The following PRICKLE1 variants were observed in gnomAD, a reference collection of about 807,000 sequenced individuals.
The protein encoded by PRICKLE1 is prickle-like protein 1.
PRICKLE1 carries 14 observed loss-of-function variants against 70.2 expected under a neutral mutation model. The observed-to-expected ratio is 0.20, with a 90% CI of 0.13 to 0.31. The LOEUF (loss-of-function observed/expected upper bound fraction) is 0.31. PRICKLE1 is among the 10% of genes least tolerant of loss of function. The probability of loss-of-function intolerance (pLI) is 1.00; values close to 1 mark genes in which losing one functional copy is unlikely to be tolerated. For missense variants in PRICKLE1, 821 were observed against 1,026.2 expected (o/e 0.80, Z 2.73); for synonymous variants, 357 against 379.9 (o/e 0.94, Z 0.70).
intron 1 of PRICKLE1, among the ~76,000 whole-genome samples, chr12:42,571,201 C>T (rs1483098945): frequency 5.3e-5 from 8 of 151,604 alleles, no homozygotes; most frequent in Admixed American, 4.6e-4. Flanking sequence ...AGGAGGTAAA[C>T]ATAATGAATG....
At chr12:42,533,727 G>A (rs1939966421) in intron 1 of PRICKLE1, among the ~76,000 whole-genome samples, 1 of 152,064 alleles carries the variant, frequency 6.6e-6, no homozygotes, top group Admixed American at 6.6e-5. Context: ...TGGCAAAGAT[G>A]CTAAATATAG....
intron 1 of PRICKLE1, among the ~76,000 whole-genome samples, chr12:42,564,760 ATC>A (rs1428337438): frequency 6.6e-6 from 1 of 152,192 alleles, no homozygotes; most frequent in Non-Finnish European, 1.5e-5. Context: ...TTTGGGGTCA[ATC>A]TCAGAATTAT....
At chr12:42,551,602 T>C (rs1940318975) in intron 1 of PRICKLE1, among the ~76,000 whole-genome samples, 1 of 152,144 alleles carries the variant, frequency 6.6e-6, no homozygotes, top group Non-Finnish European at 1.5e-5. Flanking sequence ...GCCATCTCTG[T>C]ATGATGGCAA....
chr12:42,467,757 TCAAAA>T (rs1231352404), intron 5 of PRICKLE1, among the ~76,000 whole-genome samples: 2 of 150,936 alleles, frequency 1.3e-5, no homozygotes, highest in African/African-American at 2.4e-5. Flanking sequence ...AAAAAATAAA[TCAAAA>T]CAAAACAAAA....
rs557205452 is a variant in PRICKLE1, at chr12:42,460,024, AATC to A, written c.2278_2280del (p.Asp760del). On this transcript the variant is annotated inframe_deletion, in exon 8 of 8. Transcript: ENST00000345127. ...GAGGAGGAGGAGGAAGAACACCAGG[AATC>A]ATCATCCTCGCCGTAGAGTCCCAGA... is the stretch of plus-strand genomic sequence containing the variant. The A allele has an allele frequency of 1.8e-4, 284 of 1,614,086 alleles. 3 individuals are homozygous for A. In the East Asian group the frequency reaches 6.2e-3, roughly 35 times the overall value.
In PRICKLE1 at chr12:42,460,478, A is replaced by G. The variant is rs1246760693; in HGVS notation, c.1827T>C (p.Pro609=). The G allele has an allele frequency of 1.9e-6, 3 of 1,613,786 alleles. No homozygotes were observed. In the East Asian group the frequency reaches 6.7e-5, roughly 36 times the overall value. ...CTGGCAGATGTACTGGCTTCTCTTC[A>G]GGCAGGATTTTCTCTGGACACAACT... ...SSELCPEKIL[P]EEKPVHLPVL... The change falls in exon 8 of 8, where the codon CCT becomes CCC. Residue 609 remains proline, a synonymous_variant. Transcript: ENST00000345127.
intron 1 of PRICKLE1, among the ~76,000 whole-genome samples, chr12:42,488,538 A>G (rs1762102171): frequency 6.6e-6 from 1 of 152,212 alleles, no homozygotes; most frequent in African/African-American, 2.4e-5. Flanking sequence ...TTAGGTTCTG[A>G]CCTTAGGCTC....
chr12:42,552,391 T>A (rs1372440997), intron 1 of PRICKLE1, among the ~76,000 whole-genome samples: 1 of 152,160 alleles, frequency 6.6e-6, no homozygotes, highest in Non-Finnish European at 1.5e-5. Context: ...AATGTCACTC[T>A]ACACTATTTC....
chr12:42,571,691 T>C (rs186600953), intron 1 of PRICKLE1, among the ~76,000 whole-genome samples: 1 of 152,352 alleles, frequency 6.6e-6, no homozygotes, highest in African/African-American at 2.4e-5. Context: ...GTTTTGGTAC[T>C]GATATTAACA....
intron 1 of PRICKLE1, among the ~76,000 whole-genome samples, chr12:42,513,824 C>T (rs1351970159): frequency 2.0e-5 from 3 of 152,034 alleles, no homozygotes; most frequent in Non-Finnish European, 4.4e-5. Flanking sequence ...GGTGAAACCT[C>T]GTCTCTACTA....
intron 6 of PRICKLE1, 170 bp from the exon 7 acceptor site, chr12:42,465,428 C>A: frequency 1.5e-6 from 1 of 646,290 alleles, no homozygotes; most frequent in Non-Finnish European, 2.6e-6. Flanking sequence ...GTGAGTGTGC[C>A]TACTCATAAA....
At chr12:42,587,404 T>G (rs569298670) in intron 1 of PRICKLE1, among the ~76,000 whole-genome samples, 1 of 152,298 alleles carries the variant, frequency 6.6e-6, no homozygotes, top group South Asian at 2.1e-4. Context: ...CATACTACAT[T>G]AGCCATGACT....
At chr12:42,535,111 G>C (rs2120567703) in intron 1 of PRICKLE1, among the ~76,000 whole-genome samples, 1 of 152,266 alleles carries the variant, frequency 6.6e-6, no homozygotes, top group Middle Eastern at 3.4e-3. Context: ...CCAGTAACTG[G>C]TTCAGATATG....
intron 1 of PRICKLE1, chr12:42,584,266 G>A (rs989241175): frequency 3.9e-5 from 6 of 152,112 alleles, no homozygotes; most frequent in Non-Finnish European, 7.4e-5. Context: ...AAAAAAAAGT[G>A]TACCAAATGA....
At position 42,469,549 on chromosome 12, in the gene PRICKLE1, T is replaced by C; in HGVS notation, c.285A>G (p.Lys95=). The C allele has an allele frequency of 6.2e-7, 1 of 1,614,120 alleles. No homozygotes were observed. Among genetic ancestry groups the C allele is most frequent in the South Asian group, 1.1e-5 (1 of 91,086 alleles). Reference sequence around the variant, plus strand: ...GCTGAGCACTGAACACCTGCAACTCTTTTTTCTCCTCTTCACTCAAAGACT... The same window carrying C: ...GCTGAGCACTGAACACCTGCAACTCCTTTTTCTCCTCTTCACTCAAAGACT... ...YCQSLSEEEK[K]ELQVFSAQRK... Residue 95 remains lysine (K), a synonymous_variant, in exon 4 of 8, where the codon AAA becomes AAG. Coordinates refer to ENST00000345127, the MANE Select transcript of PRICKLE1 (RefSeq NM_153026.3).
intron 1 of PRICKLE1, among the ~76,000 whole-genome samples, chr12:42,586,163 C>T (rs1940984318): frequency 6.6e-6 from 1 of 152,180 alleles, no homozygotes. Flanking sequence ...AAACACAATC[C>T]TTTCACTTTC....
rs766372585 is a variant in PRICKLE1, at chr12:42,564,740, A to C, written c.-49+24725T>G. Among the ~76,000 whole-genome samples the C allele has an allele frequency of 2.8e-4, 42 of 152,090 alleles. 1 individual carries two copies. Among genetic ancestry groups the C allele is most frequent in the Middle Eastern group, 3.2e-3 (1 of 316 alleles). ...GACTTAGTTCTAAAAGAATGTAGTTATTATTATTTTTTGGGGTCAATCTCA... is the reference window on the plus strand; with the variant it reads ...GACTTAGTTCTAAAAGAATGTAGTTCTTATTATTTTTTGGGGTCAATCTCA... On this transcript the variant is annotated intron_variant, in intron 1 of 7. Transcript: ENST00000345127.
intron 1 of PRICKLE1, among the ~76,000 whole-genome samples, chr12:42,544,053 TTG>T (rs1344565717): frequency 1.6e-5 from 2 of 128,874 alleles, no homozygotes; most frequent in African/African-American, 5.7e-5. Flanking sequence ...GTCAAGTAGG[TTG>T]AGAAGAAGGA....
intron 1 of PRICKLE1, among the ~76,000 whole-genome samples, chr12:42,495,540 T>C (rs1338606642): frequency 1.3e-5 from 2 of 152,088 alleles, no homozygotes; most frequent in Non-Finnish European, 2.9e-5. Flanking sequence ...CTTCCACTTC[T>C]AATTCCAGTT....
Sources: gnomAD v4.1 joint callset for allele counts (sites outside exome capture counted in the v4.1 genomes callset) on GRCh38, gnomAD v4.1.1 for gene constraint, MANE v1.5 for transcripts, NCBI Gene and HGNC (gene_info 2026-07-23, HGNC 2026-07-21) for gene names.